CYP3A5: variants seen among roughly 807,000 people sequenced by gnomAD.
CYP3A5 encodes the protein cytochrome P450 3A5.
A neutral mutation model predicts 55.9 loss-of-function variants in CYP3A5; 51 were observed. The ratio of observed to expected loss-of-function variants is 0.91; its 90% CI spans 0.73 to 1.15. CYP3A5 has a LOEUF of 1.15. CYP3A5 is among the 50% of genes most tolerant of loss of function. The pLI is 0.00. For synonymous variants in CYP3A5, 196 were observed against 213.9 expected, an observed-to-expected ratio of 0.92 and a Z score of 0.73; for missense variants, 533 against 596.6, an observed-to-expected ratio of 0.89 and a Z score of 1.11.
At chr7:99,660,245 T>TTTAA in intron 10 of CYP3A5, 1 of 738,736 alleles carries the variant, frequency 1.4e-6, no homozygotes, top group Non-Finnish European at 1.6e-6. Context: ...TTTTTTTTTT[T>TTTAA]ACTTAGCATT....
At chr7:99,648,471 G>GA (rs1473538956) in intron 12 of CYP3A5, 71 bp from the exon 13 acceptor site, 3 of 814,206 alleles carry the variant, frequency 3.7e-6, no homozygotes, top group Admixed American at 2.4e-5. Flanking sequence ...AAGCAAAGTA[G>GA]AAAAAATATG....
At chr7:99,654,085 A>T (rs867143399) in intron 10 of CYP3A5, among the ~76,000 whole-genome samples, 2,673 of 148,878 alleles carry the variant, frequency 0.018, 87 homozygotes, top group African/African-American at 0.061. Flanking sequence ...AGGTTTTTGA[A>T]TTTTTTTTTT....
chr7:99,675,973 G>T, intron 2 of CYP3A5, 142 bp downstream of exon 2: 1 of 677,930 alleles, frequency 1.5e-6, no homozygotes. Flanking sequence ...GAGATTACAG[G>T]CATGATCCAC....
chr7:99,656,593 C>T, intron 10 of CYP3A5, among the ~76,000 whole-genome samples: 1 of 152,290 alleles, frequency 6.6e-6, no homozygotes, highest in Non-Finnish European at 1.5e-5. Flanking sequence ...ATGCTGGCCT[C>T]ATAAAATGAG....
chr7:99,676,701 A>G (rs1199679202), intron 1 of CYP3A5: 1 of 538,200 alleles, frequency 1.9e-6, no homozygotes, highest in Non-Finnish European at 3.4e-6. Flanking sequence ...CAATTTGCTC[A>G]GAAATGTTTA....
intron 10 of CYP3A5, among the ~76,000 whole-genome samples, chr7:99,655,939 T>G (rs375979067): frequency 6.6e-6 from 1 of 152,210 alleles, no homozygotes; most frequent in Non-Finnish European, 1.5e-5. Context: ...TGTATCCTGA[T>G]ACTTTGCTGA....
intron 4 of CYP3A5, among the ~76,000 whole-genome samples, chr7:99,668,808 TATG>T (rs1287766932): frequency 6.6e-6 from 1 of 152,242 alleles, no homozygotes; most frequent in Non-Finnish European, 1.5e-5. Context: ...GCTTCAGTTT[TATG>T]GTGGTGTGCG....
chr7:99,657,059 G>C (rs554886855), intron 10 of CYP3A5, among the ~76,000 whole-genome samples: 1 of 151,944 alleles, frequency 6.6e-6, no homozygotes, highest in Admixed American at 6.6e-5. Flanking sequence ...TTTTTTGAAG[G>C]GTTTTTTTGT....
chr7:99,654,325 T>C (rs949353802), intron 10 of CYP3A5, among the ~76,000 whole-genome samples: 5 of 152,124 alleles, frequency 3.3e-5, no homozygotes, highest in Non-Finnish European at 7.3e-5. Flanking sequence ...AGTGAGAACA[T>C]ACAGTGTTTG....
At chr7:99,667,918 A>G (rs1288001983) in intron 4 of CYP3A5, among the ~76,000 whole-genome samples, 1 of 152,248 alleles carries the variant, frequency 6.6e-6, no homozygotes, top group African/African-American at 2.4e-5. Context: ...CTTACTAAAG[A>G]GCATACCTGA....
At chr7:99,655,622 A>T in intron 10 of CYP3A5, among the ~76,000 whole-genome samples, 2 of 152,236 alleles carry the variant, frequency 1.3e-5, no homozygotes, top group African/African-American at 2.4e-5. Flanking sequence ...GAAGAAAGTC[A>T]TTGGTAGCTT....
chr7:99,659,886 A>G (rs544154434), intron 10 of CYP3A5: 1 of 152,700 alleles, frequency 6.5e-6, no homozygotes, highest in African/African-American at 2.4e-5. Flanking sequence ...TGCGCGGGAT[A>G]TAATCTCCTG....
rs146099143 is a variant in CYP3A5, at chr7:99,659,485, A to G, written c.1026+1014T>C. The stretch of plus-strand genomic sequence containing the variant: ...CCGTGTGAGGTGTCAGTCTGCCCCT[A>G]CTGGGGGGTGCCTCCCAGTTAGGCT... On this transcript the variant is annotated intron_variant, in intron 10 of 12. Transcript: ENST00000222982. The G allele has an allele frequency of 5.4e-3, 839 of 154,028 alleles. 6 individuals are homozygous for G. The highest frequency in any genetic ancestry group is 0.019 in the African/African-American group (803 of 41,544). The allele number at this position is 154,028 out of a possible 1,614,324, so 9.5% of individuals were successfully genotyped here. A position where few individuals can be genotyped will look rare whatever the true frequency, so the allele number is the denominator to read the frequency against.
chr7:99,661,314 T>C (rs1338661288), intron 9 of CYP3A5, among the ~76,000 whole-genome samples: 1 of 152,212 alleles, frequency 6.6e-6, no homozygotes, highest in Non-Finnish European at 1.5e-5. Flanking sequence ...GCAGGAGATA[T>C]GGTGATTTGT....
intron 4 of CYP3A5, among the ~76,000 whole-genome samples, chr7:99,672,042 T>TTTGTTGTTGTTG (rs573372567): frequency 1.2e-4 from 18 of 151,728 alleles, no homozygotes; most frequent in African/African-American, 4.4e-4. Flanking sequence ...TTTGCCGGTT[T>TTTGTTGTTGTTG]TTGTTGTTGT....
chr7:99,667,172 T>C, intron 4 of CYP3A5, 107 bp from the exon 5 acceptor site: 1 of 1,120,014 alleles, frequency 8.9e-7, no homozygotes, highest in Non-Finnish European at 1.3e-6. Context: ...TTATTGACTG[T>C]ATATGATATT....
chr7:99,654,280 G>A (rs926027615), intron 10 of CYP3A5, among the ~76,000 whole-genome samples: 1 of 151,292 alleles, frequency 6.6e-6, no homozygotes, highest in Non-Finnish European at 1.5e-5. Context: ...CCCTTCCTGT[G>A]TCCATGTGTT....
rs28383477 is a variant in CYP3A5, at chr7:99,662,850, G to C, written c.831C>G (p.Asp277Glu). 6 of 1,613,974 alleles carry C rather than the reference G, an allele frequency of 3.7e-6. No individual in the cohort carries two copies. The East Asian group carries it at 8.9e-5, about 24-fold the overall frequency. The change falls in exon 9 of 13, where the codon GAC becomes GAG. Residue 277 changes from aspartate (D) to glutamate (E), a missense_variant. Coordinates refer to ENST00000222982, the MANE Select transcript of CYP3A5 (RefSeq NM_000777.5). This position sits in a 1 kb window ranked among gnomAD's most constrained non-coding sequence, Gnocchi z 4.3. ...HRLDFLQLMI[D>E]SQNSKETESH... ...ACTCAGTTTCTTTCGAATTCTGGGAGTCAATCATCAGCTGAAGGAAATCTA... is the reference window on the plus strand; with the variant it reads ...ACTCAGTTTCTTTCGAATTCTGGGACTCAATCATCAGCTGAAGGAAATCTA...
rs566629410 is a variant in CYP3A5 at position 99,676,120 on chromosome 7, G to C, written c.160C>G (p.Arg54Gly). Reference protein sequence around the residue: ...LPLLGNVLSYRQGLWKFDTEC... With the variant: ...LPLLGNVLSYGQGLWKFDTEC... Reference sequence around the variant, plus strand: ...AGGAAGCTCAAGCAACTCACCTGACGATAGGACAAAACATTTCCCAACAAA... The same window carrying C: ...AGGAAGCTCAAGCAACTCACCTGACCATAGGACAAAACATTTCCCAACAAA... Residue 54 changes from arginine to glycine, a missense_variant, in exon 2 of 13, where the codon CGT (arginine) becomes GGT (glycine). By Grantham distance (125) the Arg-to-Gly change is moderately radical. Transcript: ENST00000222982. The C allele has an allele frequency of 6.8e-5, 109 of 1,613,420 alleles. 3 individuals carry two copies. In the South Asian group the frequency reaches 1.1e-3, roughly 17 times the overall value.
Sources: allele counts gnomAD v4.1 joint callset (sites outside exome capture counted in the v4.1 genomes callset), GRCh38; gene constraint gnomAD v4.1.1; non-coding constraint Gnocchi (gnomAD v3.1); transcripts MANE v1.5; gene names NCBI Gene and HGNC (gene_info 2026-07-23, HGNC 2026-07-21).